The following AASDH variants were observed in gnomAD, a reference collection of about 807,000 sequenced individuals.
AASDH encodes aminoadipate-semialdehyde dehydrogenase, also known as beta-alanine-activating enzyme.
AASDH carries 81 observed loss-of-function variants against 102.3 expected under a neutral mutation model. The ratio of observed to expected loss-of-function variants is 0.79; its 90% confidence interval spans 0.66 to 0.95. The LOEUF (loss-of-function observed/expected upper bound fraction) is 0.95. Ranked by LOEUF, AASDH falls within the 40% of genes least tolerant of loss-of-function variation. The pLI is 0.00. For synonymous variants in AASDH, 398 were observed against 454.0 expected (o/e 0.88, Z 1.57); for missense variants, 1,203 against 1,266.2 (o/e 0.95, Z 0.76).
chr4:56,382,893 A>C (rs1327097643), intron 2 of AASDH, among the ~76,000 whole-genome samples: 1 of 152,198 alleles, frequency 6.6e-6, no homozygotes, highest in Non-Finnish European at 1.5e-5. Context: ...AACATGGAGA[A>C]ACCCTGTCTC....
At chr4:56,362,256 T>A (rs1221373253) in intron 5 of AASDH, among the ~76,000 whole-genome samples, 1 of 152,024 alleles carries the variant, frequency 6.6e-6, no homozygotes, top group East Asian at 1.9e-4. Context: ...TTGACAGCTT[T>A]TTTTTTCTTT....
intron 4 of AASDH, among the ~76,000 whole-genome samples, chr4:56,374,425 T>C (rs576007339): frequency 1.3e-5 from 2 of 151,070 alleles, no homozygotes; most frequent in African/African-American, 2.4e-5. Flanking sequence ...AGAAACCTTC[T>C]TGGAGCTTCC....
intron 6 of AASDH, 82 bp from the exon 7 acceptor site, chr4:56,354,893 C>G: frequency 8.6e-7 from 1 of 1,162,838 alleles, no homozygotes; most frequent in Non-Finnish European, 1.2e-6. Flanking sequence ...CATACTGTAC[C>G]AAATAAAGAA....
At chr4:56,355,767 G>A (rs1749567342) in intron 5 of AASDH, among the ~76,000 whole-genome samples, 3 of 151,638 alleles carry the variant, frequency 2.0e-5, no homozygotes, top group Non-Finnish European at 4.4e-5. Flanking sequence ...CTACAGGCAC[G>A]TACCACCACA....
At chr4:56,351,261 C>T (rs930909395) in intron 10 of AASDH, 81 bp downstream of exon 10, 20 of 845,850 alleles carry the variant, frequency 2.4e-5, no homozygotes, top group Non-Finnish European at 3.7e-5. Context: ...AAATTTTATC[C>T]AACTTGTTAG....
intron 3 of AASDH, 71 bp downstream of exon 3, chr4:56,382,406 G>C: frequency 7.2e-7 from 1 of 1,396,284 alleles, no homozygotes. Flanking sequence ...ATCCAGATGG[G>C]AGAAGGAAGG....
intron 14 of AASDH, among the ~76,000 whole-genome samples, chr4:56,339,504 A>G (rs1246756203): frequency 6.6e-6 from 1 of 152,094 alleles, no homozygotes; most frequent in East Asian, 1.9e-4. Context: ...TAATCCCAGC[A>G]TTTTGGGAGG....
intron 6 of AASDH, among the ~76,000 whole-genome samples, 162 bp from the exon 7 acceptor site, chr4:56,354,973 A>G (rs1258714486): frequency 6.6e-6 from 1 of 152,212 alleles, no homozygotes; most frequent in African/African-American, 2.4e-5. Flanking sequence ...GTAACCATAT[A>G]TGTTATTCAT....
intron 11 of AASDH, among the ~76,000 whole-genome samples, chr4:56,346,496 T>C (rs1167604626): frequency 4.6e-5 from 7 of 152,206 alleles, no homozygotes; most frequent in Non-Finnish European, 7.4e-5. Context: ...ACCAAAAGCA[T>C]GACCCATTAA....
chr4:56,370,620 A>C (rs60762197), intron 5 of AASDH, among the ~76,000 whole-genome samples: 2 of 152,110 alleles, frequency 1.3e-5, no homozygotes, highest in Non-Finnish European at 2.9e-5. Context: ...TGAGAGATCA[A>C]ATCTCCTGAT....
rs1749629427 is a variant in AASDH at position 56,356,279 on chromosome 4, G to C, written c.862-856C>G. ...TGAGCAAGACATCCAGCCCAAAAGA[G>C]ACCTCACCAGCTTTGTGAAATAGCC... is the stretch of plus-strand genomic sequence containing the variant. On this transcript the variant is annotated intron_variant, in intron 5 of 14. Coordinates refer to ENST00000205214, the MANE Select transcript of AASDH (RefSeq NM_181806.4). The C allele has an allele frequency of 2.8e-6, 3 of 1,081,722 alleles. No homozygotes were observed. In the South Asian group the frequency reaches 3.8e-5, roughly 14 times the overall value. The allele number at this position is 1,081,722 out of a possible 1,614,324, so 67.0% of individuals were successfully genotyped here. A position where few individuals can be genotyped will look rare whatever the true frequency, so the allele number is the denominator to read the frequency against.
intron 14 of AASDH, among the ~76,000 whole-genome samples, chr4:56,341,005 G>T (rs999687529): frequency 2.6e-5 from 4 of 152,180 alleles, no homozygotes; most frequent in Non-Finnish European, 5.9e-5. Context: ...ATTACTAAAA[G>T]AACATAACAA....
Position 56,338,682 on chromosome 4 carries a change from ATGT to A in AASDH, c.3014_3016del (p.Asn1005del), listed in dbSNP as rs1236190269. On this transcript the variant is annotated inframe_deletion, in exon 15 of 15. Transcript: ENST00000205214. ...AAATTTCCACTGCAGGTGACCTTTC[ATGT>A]TACAACAGTAGATAAAGCAATCATG... is the stretch of plus-strand genomic sequence containing the variant. The A allele has an allele frequency of 1.9e-6, 3 of 1,614,196 alleles. No homozygotes were observed. Among genetic ancestry groups the A allele is most frequent in the Non-Finnish European group, 2.5e-6 (3 of 1,180,036 alleles).
chr4:56,382,550 G>A lies in AASDH; in HGVS notation c.278C>T (p.Pro93Leu), dbSNP rs34228795. The A allele has an allele frequency of 2.0e-5, 32 of 1,610,320 alleles. No homozygotes were observed. The highest frequency in any genetic ancestry group is 2.7e-5 in the Non-Finnish European group (32 of 1,177,648). The change falls in exon 3 of 15, where the codon CCA (proline) becomes CTA (leucine). Residue 93 changes from proline to leucine, a missense_variant. Coordinates refer to ENST00000205214, the MANE Select transcript of AASDH (RefSeq NM_181806.4). ...AAYVPIEPDS[P>L]PSLSTHFMKK... ...CATAAAATGAGTTGATAATGACGGT[G>A]GTGAATCTGGCTCGATAGGTACATA... is the stretch of plus-strand genomic sequence containing the variant.
At chr4:56,383,488 T>C (rs764568279) in intron 2 of AASDH, among the ~76,000 whole-genome samples, 3 of 152,210 alleles carry the variant, frequency 2.0e-5, no homozygotes, top group Non-Finnish European at 4.4e-5. Flanking sequence ...TATTATAGAA[T>C]GAATAAACTA....
rs1194907498 is a variant in AASDH at position 56,378,243 on chromosome 4, G to C, written c.573C>G (p.Cys191Trp). Residue 191 changes from cysteine (C) to tryptophan (W), a missense_variant, in exon 4 of 15, where the codon TGC (cysteine) becomes TGG (tryptophan). By Grantham distance (215) the Cys-to-Trp change is radical. Coordinates refer to ENST00000205214, the MANE Select transcript of AASDH (RefSeq NM_181806.4). ...CTGATGTATGTAGAACATAGGCTAA[G>C]CAATGCTTTAGCCTCAGATCCATGT... ...EEHMDLRLKH[C>W]LAYVLHTSGT... The C allele has an allele frequency of 1.9e-6, 3 of 1,613,730 alleles. No individual in the cohort carries two copies. Among genetic ancestry groups the C allele is most frequent in the African/African-American group, 1.3e-5 (1 of 74,912 alleles).
At chr4:56,351,507 A>C (rs747653410) in intron 9 of AASDH, 50 bp from the exon 10 acceptor site, 1 of 1,063,724 alleles carries the variant, frequency 9.4e-7, no homozygotes, top group East Asian at 2.5e-5. Context: ...TTAAAATTTC[A>C]CTCAAAGCCT....
rs372891455 is a variant in AASDH, at chr4:56,382,370, C to A, written c.351+107G>T. On this transcript the variant is annotated intron_variant, in intron 3 of 14. Transcript: ENST00000205214. ...ATGTCATAGTGCAAAGACTGAGAAA[C>A]CTTGCCACATTTAGCAGACTTAGGA... 4.4e-5 allele frequency: 50 copies of A among 1,133,448 alleles called. No homozygotes were observed. The East Asian group carries it at 1.0e-3, about 23-fold the overall frequency. 70.2% of individuals were successfully genotyped at this position (1,133,448 alleles called of 1,614,324 possible).
chr4:56,373,559 T>C (rs779778997), intron 4 of AASDH, among the ~76,000 whole-genome samples: 1 of 152,184 alleles, frequency 6.6e-6, no homozygotes, highest in African/African-American at 2.4e-5. Flanking sequence ...ACTTTACTTC[T>C]GAAGTCCTTC....
Sources: allele counts gnomAD v4.1 joint callset (sites outside exome capture counted in the v4.1 genomes callset), GRCh38; gene constraint gnomAD v4.1.1; transcripts MANE v1.5; gene names NCBI Gene and HGNC (gene_info 2026-07-23, HGNC 2026-07-21).